Variants in AIM2 observed in about 807,000 individuals in gnomAD.
AIM2 encodes the protein absent in melanoma 2, also known as interferon-inducible protein AIM2.
In AIM2, 30 loss-of-function variants were observed where a neutral mutation model predicts 27.7. That is an observed-to-expected ratio of 1.08 (90% confidence interval 0.81 to 1.47). AIM2 has a LOEUF of 1.47. AIM2 is among the 40% of genes most tolerant of loss of function. AIM2 has a pLI of 0.00. For synonymous variants in AIM2, 141 were observed against 145.3 expected, an observed-to-expected ratio of 0.97 and a Z score of 0.21; for missense variants, 358 against 411.3, an observed-to-expected ratio of 0.87 and a Z score of 1.12.
At chr1:159,108,361 C>T (rs986180772) in intron 1 of AIM2, among the ~76,000 whole-genome samples, 5 of 152,120 alleles carry the variant, frequency 3.3e-5, no homozygotes, top group African/African-American at 1.2e-4. Context: ...ATAATTAAAA[C>T]TTAGCAAAAC....
At chr1:159,076,827 AG>A (rs1188958985), upstream of AIM2, 5 of 152,288 alleles carry the variant, frequency 3.3e-5, no homozygotes, top group Non-Finnish European at 7.3e-5. Flanking sequence ...CAGTGTGGGT[AG>A]GAGTGACAAC....
At chr1:159,062,426 A>T (rs1045817241), downstream of AIM2, 1 of 521,090 alleles carries the variant, frequency 1.9e-6, no homozygotes, top group African/African-American at 1.9e-5. Context: ...ATACATTGAT[A>T]AAGTATTTTC....
At position 159,066,263 on chromosome 1, in the gene AIM2, G is replaced by A. The variant is rs893628986; in HGVS notation, c.463C>T (p.Pro155Ser). Residue 155 changes from proline to serine, a missense_variant, in exon 4 of 6, where the codon CCA (proline) becomes TCA (serine). Physicochemically the swap from Pro to Ser is moderately conservative, Grantham distance 74. Coordinates refer to ENST00000368130, the MANE Select transcript of AIM2 (RefSeq NM_004833.3). ...IREGFQKRCL[P>S]VMVLKAKKPF... ...TTCTTTGCTTTCAGTACCATAACTG[G>A]CAAACAGCGCTTCTGAAACCCTTCT... 1 of 1,614,110 alleles carries A rather than the reference G, an allele frequency of 6.2e-7. No homozygotes were observed. Among genetic ancestry groups the A allele is most frequent in the East Asian group, 2.2e-5 (1 of 44,880 alleles).
chr1:159,145,229 A>G (rs1260420193), upstream of AIM2, among the ~76,000 whole-genome samples: 2 of 152,178 alleles, frequency 1.3e-5, no homozygotes, highest in African/African-American at 4.8e-5. Flanking sequence ...CCCCTTAAGG[A>G]AGGGTAAAAT....
intron 1 of AIM2, among the ~76,000 whole-genome samples, chr1:159,137,052 A>G (rs1648023293): frequency 1.3e-5 from 2 of 152,134 alleles, no homozygotes; most frequent in Non-Finnish European, 2.9e-5. Flanking sequence ...TCTGTTCTCT[A>G]CCAACAGATA....
chr1:159,138,827 C>T (rs552120507), intron 1 of AIM2, among the ~76,000 whole-genome samples: 3 of 152,324 alleles, frequency 2.0e-5, no homozygotes, highest in Non-Finnish European at 4.4e-5. Flanking sequence ...ATAAATAACA[C>T]ATATCCTGCC....
intron 1 of AIM2, among the ~76,000 whole-genome samples, chr1:159,130,889 A>G (rs983069691): frequency 2.6e-5 from 4 of 151,906 alleles, no homozygotes; most frequent in Non-Finnish European, 4.4e-5. Flanking sequence ...TTCTCTTAGG[A>G]TAAAATCCTA....
At chr1:159,104,978 G>C (rs1391705096) in intron 1 of AIM2, among the ~76,000 whole-genome samples, 1 of 152,198 alleles carries the variant, frequency 6.6e-6, no homozygotes, top group Non-Finnish European at 1.5e-5. Flanking sequence ...AAACCCCTGT[G>C]TCCAGTGGCA....
chr1:159,109,594 A>T (rs1321543931), intron 1 of AIM2, among the ~76,000 whole-genome samples: 1 of 152,226 alleles, frequency 6.6e-6, no homozygotes, highest in Non-Finnish European at 1.5e-5. Context: ...TTTGCACAGC[A>T]AAAGGAACAG....
chr1:159,081,411 G>A, upstream of AIM2: 6 of 368,564 alleles, frequency 1.6e-5, no homozygotes, highest in South Asian at 1.2e-4. Flanking sequence ...TAGATAACCT[G>A]AAATAATGCT....
In AIM2 at chr1:159,062,568, G is replaced by C. The variant is rs779545701; in HGVS notation, c.*124C>G. 32 of 824,880 alleles carry C rather than the reference G, an allele frequency of 3.9e-5. No homozygotes were observed. The highest frequency in any genetic ancestry group is 6.4e-5 in the Non-Finnish European group (32 of 502,188). The allele number at this position is 824,880 out of a possible 1,614,324, so 51.1% of individuals were successfully genotyped here. A position where few individuals can be genotyped will look rare whatever the true frequency, so the allele number is the denominator to read the frequency against. On this transcript the variant is annotated 3_prime_UTR_variant, in exon 6 of 6. Coordinates refer to ENST00000368130, the MANE Select transcript of AIM2 (RefSeq NM_004833.3). The stretch of plus-strand genomic sequence containing the variant: ...GCAATTATTCTATCCTAATTTGGTG[G>C]AGAGAGGAGCCTGTGAACTGCAGCT...
In AIM2 at chr1:159,065,974, T is replaced by G. The variant is rs1197388127; in HGVS notation, c.752A>C (p.Lys251Thr). The G allele has an allele frequency of 6.2e-7, 1 of 1,613,888 alleles. No homozygotes were observed. Among genetic ancestry groups the G allele is most frequent in the Admixed American group, 1.7e-5 (1 of 60,000 alleles). ...NIIRKAGETP[K>T]INTLQTQPLG... Reference sequence around the variant, plus strand: ...GGGCTGAGTTTGAAGCGTGTTGATCTTCGGGGTTTCACCAGCTTTTCTGAT... The same window carrying G: ...GGGCTGAGTTTGAAGCGTGTTGATCGTCGGGGTTTCACCAGCTTTTCTGAT... The change falls in exon 4 of 6, where the codon AAG (lysine) becomes ACG (threonine). Residue 251 changes from lysine to threonine, a missense_variant. By Grantham distance (78) the Lys-to-Thr change is moderately conservative. Coordinates refer to ENST00000368130, the MANE Select transcript of AIM2 (RefSeq NM_004833.3).
At position 159,105,677 on chromosome 1, in the gene AIM2, G is replaced by A. The variant is rs528706476; in HGVS notation, c.-16+34754C>T. Reference sequence around the variant, plus strand: ...GTGAGTAGTTCCTATCTGGAGGCACGTCATCCTGATGAGCTGAGGAGACCC... The same window carrying A: ...GTGAGTAGTTCCTATCTGGAGGCACATCATCCTGATGAGCTGAGGAGACCC... On this transcript the variant is annotated intron_variant, in intron 1 of 2. Coordinates refer to the AIM2 transcript ENST00000368129. Among the ~76,000 whole-genome samples the A allele has an allele frequency of 3.3e-5, 5 of 152,254 alleles. No homozygotes were observed. The East Asian group carries it at 7.7e-4, about 24-fold the overall frequency.
At chr1:159,131,361 G>GCACA (rs1647868661) in intron 1 of AIM2, among the ~76,000 whole-genome samples, 1 of 152,056 alleles carries the variant, frequency 6.6e-6, no homozygotes, top group Admixed American at 6.5e-5. Flanking sequence ...ATATGTATAT[G>GCACA]TATACATATG....
chr1:159,078,019 T>C (rs1389281532), upstream of AIM2, among the ~76,000 whole-genome samples: 8 of 152,220 alleles, frequency 5.3e-5, no homozygotes, highest in Non-Finnish European at 1.2e-4. Flanking sequence ...GAAGAGCACC[T>C]AACCATGCCC....
chr1:159,103,423 A>G (rs1056265834), intron 1 of AIM2, among the ~76,000 whole-genome samples: 2 of 152,054 alleles, frequency 1.3e-5, no homozygotes, highest in Admixed American at 6.6e-5. Flanking sequence ...TGGGTTCACA[A>G]TATTCCTCAG....
At position 159,073,244 on chromosome 1, in the gene AIM2, C is replaced by T. The variant is rs946992814; in HGVS notation, c.256G>A (p.Glu86Lys). ...TGTGGAACTCCCACATTACCTTTCT[C>T]CTTCTCCTCCTGAAGACGTTTTGCC... ...LLAKRLQEEK[E>K]KVDKQYKSVT... The change falls in exon 2 of 6, where the codon GAG (glutamate) becomes AAG (lysine). Residue 86 changes from glutamate to lysine, a missense_variant. Coordinates refer to ENST00000368130, the MANE Select transcript of AIM2 (RefSeq NM_004833.3). 1 of 1,614,048 alleles carries T rather than the reference C, an allele frequency of 6.2e-7. No homozygotes were observed. Among genetic ancestry groups the T allele is most frequent in the Non-Finnish European group, 8.5e-7 (1 of 1,179,946 alleles).
chr1:159,082,799 G>A (rs921586773), intron 1 of AIM2, among the ~76,000 whole-genome samples: 10 of 152,170 alleles, frequency 6.6e-5, no homozygotes, highest in Non-Finnish European at 1.2e-4. Context: ...CAAACATTCA[G>A]TCCACAAGGA....
At chr1:159,061,644 A>T (rs1057268494), downstream of AIM2, among the ~76,000 whole-genome samples, 1 of 141,902 alleles carries the variant, frequency 7.0e-6, no homozygotes, top group Non-Finnish European at 1.5e-5. Flanking sequence ...ACCTCAGGTG[A>T]TCCACCCGCC....
Sources: gnomAD v4.1 joint callset for allele counts (sites outside exome capture counted in the v4.1 genomes callset) on GRCh38, gnomAD v4.1.1 for gene constraint, MANE v1.5 for transcripts, NCBI Gene and HGNC (gene_info 2026-07-23, HGNC 2026-07-21) for gene names.